Variants in SNAP23 observed in about 807,000 individuals in gnomAD.
SNAP23 encodes the protein synaptosomal-associated protein 23.
A neutral mutation model predicts 29.0 loss-of-function variants in SNAP23; 11 were observed. The ratio of observed to expected loss-of-function variants is 0.38; its 90% CI spans 0.24 to 0.63. The LOEUF (loss-of-function observed/expected upper bound fraction) is 0.63. Ranked by LOEUF, SNAP23 falls within the 20% of genes least tolerant of loss-of-function variation. The probability of loss-of-function intolerance (pLI) is 0.58; values close to 1 mark genes in which losing one functional copy is unlikely to be tolerated. For synonymous variants in SNAP23, 60 were observed against 82.9 expected (o/e 0.72, Z 1.50); for missense variants, 220 against 253.9 (o/e 0.87, Z 0.91).
chr15:42,531,540 C>T lies in SNAP23; in HGVS notation c.*62C>T, dbSNP rs1415809228. On this transcript the variant is annotated 3_prime_UTR_variant, in exon 8 of 8. Transcript: ENST00000249647. Reference sequence around the variant, plus strand: ...CGTAGCTCCTCCTTGAAAGTTATTACCTTTTCAGAGTTTAAGTTTTCGGTT... The same window carrying T: ...CGTAGCTCCTCCTTGAAAGTTATTATCTTTTCAGAGTTTAAGTTTTCGGTT... 7.6e-7 allele frequency: 1 copy of T among 1,319,724 alleles called. No homozygotes were observed. The highest frequency in any genetic ancestry group is 1.1e-6 in the Non-Finnish European group (1 of 939,232). 81.8% of individuals were successfully genotyped at this position (1,319,724 alleles called of 1,614,324 possible). A position where few individuals can be genotyped will look rare whatever the true frequency, so the allele number is the denominator to read the frequency against.
intron 4 of SNAP23, among the ~76,000 whole-genome samples, chr15:42,514,582 C>T (rs1009854528): frequency 6.6e-6 from 1 of 152,136 alleles, no homozygotes; most frequent in African/African-American, 2.4e-5. Context: ...CTTATAATAG[C>T]CCTCAGGTTT....
At chr15:42,525,511 T>A (rs1566819594) in intron 5 of SNAP23, among the ~76,000 whole-genome samples, 1 of 113,192 alleles carries the variant, frequency 8.8e-6, no homozygotes, top group Non-Finnish European at 1.7e-5. Flanking sequence ...TCACCAAGGC[T>A]GCAGTGCAGT....
chr15:42,501,269 T>C (rs2057267809), intron 1 of SNAP23, among the ~76,000 whole-genome samples: 2 of 152,238 alleles, frequency 1.3e-5, no homozygotes, highest in Admixed American at 1.3e-4. Context: ...ATTATATTCC[T>C]GCCTCACCAC....
chr15:42,527,363 C>G lies in SNAP23; in HGVS notation c.267-899C>G, dbSNP rs1041297394. 2.6e-5 allele frequency among the ~76,000 whole-genome samples: 4 copies of G among 151,928 alleles called. No individual in the cohort carries two copies. The East Asian group carries it at 7.8e-4, about 30-fold the overall frequency. On this transcript the variant is annotated intron_variant, in intron 5 of 7. Transcript: ENST00000249647. ...CTGATCAGCTGGAACTACGCTGGTT[C>G]AAATTCAGTCTTCTTATTTTAAAAT...
chr15:42,515,367 A>G lies in SNAP23; in HGVS notation c.266+13A>G. The G allele has an allele frequency of 6.6e-7, 1 of 1,511,672 alleles. No homozygotes were observed. Among genetic ancestry groups the G allele is most frequent in the Non-Finnish European group, 9.1e-7 (1 of 1,094,518 alleles). 93.6% of individuals were successfully genotyped at this position (1,511,672 alleles called of 1,614,324 possible). A position where few individuals can be genotyped will look rare whatever the true frequency, so the allele number is the denominator to read the frequency against. ...GCCCATGTAATAGGTGAGTTGATAA[A>G]TTAAGATGGTTTCAAAATAAGTAAT... On this transcript the variant is annotated intron_variant, in intron 5 of 7. Coordinates refer to ENST00000249647, the MANE Select transcript of SNAP23 (RefSeq NM_003825.4).
intron 1 of SNAP23, among the ~76,000 whole-genome samples, chr15:42,506,190 CAACCTCG>C (rs764097977): frequency 4.6e-5 from 7 of 152,020 alleles, no homozygotes; most frequent in Non-Finnish European, 4.4e-5. Flanking sequence ...TGTGATCCGC[CAACCTCG>C]GCCTCCCAAA....
chr15:42,516,520 G>A (rs12903432), intron 5 of SNAP23, among the ~76,000 whole-genome samples: 85,971 of 151,844 alleles, frequency 0.57, 29,799 homozygotes, highest in East Asian at 0.79. Flanking sequence ...TAGTAGAGAC[G>A]GGGTTTCACT....
chr15:42,519,687 G>A (rs1279450663), intron 5 of SNAP23, among the ~76,000 whole-genome samples: 2 of 151,974 alleles, frequency 1.3e-5, no homozygotes, highest in Non-Finnish European at 2.9e-5. Flanking sequence ...AGTTTTTGTA[G>A]AGATGAGTTC....
At chr15:42,509,546 TCTC>T (rs2057343262) in intron 1 of SNAP23, among the ~76,000 whole-genome samples, 1 of 151,608 alleles carries the variant, frequency 6.6e-6, no homozygotes, top group Non-Finnish European at 1.5e-5. Flanking sequence ...TTCAAGCAAT[TCTC>T]CTGCCTCAGC....
upstream of SNAP23, chr15:42,492,668 C>T (rs1442031378): frequency 2.0e-5 from 2 of 98,216 alleles, no homozygotes; most frequent in Non-Finnish European, 3.6e-5. Flanking sequence ...CAGAGCGAGA[C>T]TGCGTCTCAA....
rs1391077172 is a variant in SNAP23, at chr15:42,495,646, G to A, written c.-82G>A. ...GCTCGGCGCGCGCAGGCGCGACTAG[G>A]GTGCAGCGCCAGGTCCGGTGTTGGG... On this transcript the variant is annotated 5_prime_UTR_variant, in exon 1 of 8. Transcript: ENST00000249647. 6.6e-6 allele frequency: 1 copy of A among 152,398 alleles called. No homozygotes were observed. Among genetic ancestry groups the A allele is most frequent in the Non-Finnish European group, 1.5e-5 (1 of 68,170 alleles). 9.4% of individuals were successfully genotyped at this position (152,398 alleles called of 1,614,324 possible). A position where few individuals can be genotyped will look rare whatever the true frequency, so the allele number is the denominator to read the frequency against.
intron 3 of SNAP23, 162 bp from the exon 4 acceptor site, chr15:42,513,237 G>T (rs1403386551): frequency 6.5e-6 from 5 of 764,314 alleles, no homozygotes; most frequent in African/African-American, 1.7e-5. Context: ...TTTGGGGGCT[G>T]CTATGTTAAA....
chr15:42,530,755 G>C (rs1244023114), intron 7 of SNAP23, among the ~76,000 whole-genome samples: 1 of 151,886 alleles, frequency 6.6e-6, no homozygotes, highest in East Asian at 1.9e-4. Context: ...TTCTCAAAAA[G>C]AAAGGAAAAA....
Position 42,529,797 on chromosome 15 carries a change from A to G in SNAP23, c.548A>G (p.Gln183Arg), listed in dbSNP as rs1159819771. 2.2e-5 allele frequency: 35 copies of G among 1,611,838 alleles called. No individual in the cohort carries two copies. Among genetic ancestry groups the G allele is most frequent in the East Asian group, 2.0e-4 (9 of 44,880 alleles). ...AATGAGATTGATGCTCAAAATCCAC[A>G]AATAAAACGAATCACAGACAAGGTA... ...IGNEIDAQNPQIKRITDKADT... is the reference protein window; with the variant it reads ...IGNEIDAQNPRIKRITDKADT... The change falls in exon 7 of 8, where the codon CAA (glutamine) becomes CGA (arginine). Residue 183 changes from glutamine (Q) to arginine (R), a missense_variant. Gln to Arg is a conservative substitution (Grantham distance 43, BLOSUM62 1). Coordinates refer to ENST00000249647, the MANE Select transcript of SNAP23 (RefSeq NM_003825.4).
intron 5 of SNAP23, among the ~76,000 whole-genome samples, chr15:42,523,167 GT>G (rs1365530507): frequency 2.0e-5 from 3 of 147,026 alleles, no homozygotes; most frequent in Non-Finnish European, 4.5e-5. Flanking sequence ...TGAATGAGAC[GT>G]TTAAGTGGGA....
Position 42,531,467 on chromosome 15 carries a change from A to G in SNAP23, c.625A>G (p.Ile209Val), listed in dbSNP as rs2141565080. 2 of 1,602,240 alleles carry G rather than the reference A, an allele frequency of 1.2e-6. No homozygotes were observed. The highest frequency in any genetic ancestry group is 2.7e-5 in the African/African-American group (2 of 74,760). ...TGCCAATGCCAGAGCAAAGAAACTC[A>G]TTGACAGCTAAAGCTACTGCTGTTC... ...DIANARAKKL[I>V]DS Residue 209 changes from isoleucine (I) to valine (V), a missense_variant, in exon 8 of 8, where the codon ATT becomes GTT. Ile to Val is a conservative substitution (Grantham distance 29). Coordinates refer to ENST00000249647, the MANE Select transcript of SNAP23 (RefSeq NM_003825.4).
chr15:42,492,168 C>T (rs1462763119), upstream of SNAP23, among the ~76,000 whole-genome samples: 3 of 148,628 alleles, frequency 2.0e-5, no homozygotes, highest in East Asian at 2.1e-4. Flanking sequence ...ACCTCGGCTT[C>T]CCTAAGTGCT....
Position 42,511,916 on chromosome 15 carries a change from C to G in SNAP23, c.57+13C>G, listed in dbSNP as rs748811679. ...GATTACTGATGAGGTAAATGTTTTA[C>G]CTAAAATAAGTAAATAATTCTATTT... On this transcript the variant is annotated intron_variant, in intron 2 of 7. Transcript: ENST00000249647. 1.3e-5 allele frequency: 20 copies of G among 1,547,870 alleles called. No individual in the cohort carries two copies. In the South Asian group the frequency reaches 1.8e-4, roughly 14 times the overall value.
upstream of SNAP23, chr15:42,491,331 C>T (rs1417840554): frequency 6.6e-6 from 1 of 152,386 alleles, no homozygotes; most frequent in African/African-American, 2.4e-5. Context: ...GAACAGCCTC[C>T]CTGGTCCCTT....
Sources: allele counts gnomAD v4.1 joint callset (sites outside exome capture counted in the v4.1 genomes callset), GRCh38; gene constraint gnomAD v4.1.1; transcripts MANE v1.5; gene names NCBI Gene and HGNC (gene_info 2026-07-23, HGNC 2026-07-21).